TAB2: variants seen among roughly 807,000 people sequenced by gnomAD.
The protein encoded by TAB2 is TGF-beta-activated kinase 1 and MAP3K7-binding protein 2.
TAB2 carries 3 observed loss-of-function variants against 65.0 expected under a neutral mutation model. The observed-to-expected ratio is 0.05, with a 90% CI of 0.02 to 0.12. TAB2 has a LOEUF of 0.12. Ranked by LOEUF, TAB2 falls within the 10% of genes least tolerant of loss-of-function variation. The probability of loss-of-function intolerance (pLI) is 1.00; values close to 1 mark genes in which losing one functional copy is unlikely to be tolerated. For missense variants in TAB2, 623 were observed against 840.3 expected (o/e 0.74, Z 3.20); for synonymous variants, 298 against 285.1 (o/e 1.05, Z -0.46).
At chr6:149,364,945 T>C (rs10155800) in intron 1 of TAB2, among the ~76,000 whole-genome samples, 72 of 152,072 alleles carry the variant, frequency 4.7e-4, no homozygotes, top group African/African-American at 1.7e-3. Flanking sequence ...TACTAAGAAA[T>C]CAAAAATTGT....
intron 1 of TAB2, among the ~76,000 whole-genome samples, chr6:149,330,451 A>G (rs1474159295): frequency 6.6e-6 from 1 of 152,164 alleles, no homozygotes. Flanking sequence ...CATCCTCTCC[A>G]GCATTAGTAT....
chr6:149,255,508 T>C (rs1228851003), intron 1 of TAB2: 1 of 152,252 alleles, frequency 6.6e-6, no homozygotes, highest in Non-Finnish European at 1.5e-5. Flanking sequence ...TATCTCTGAA[T>C]TTTGGCAGAA....
chr6:149,392,523 C>T (rs114773439), intron 3 of TAB2, among the ~76,000 whole-genome samples: 1 of 152,320 alleles, frequency 6.6e-6, no homozygotes, highest in African/African-American at 2.4e-5. Context: ...CCTTTCCTAA[C>T]TCCTGCCTTC....
chr6:149,275,120 C>CTGT lies in TAB2; in HGVS notation c.-121+56345_-121+56346insGTT, dbSNP rs199786561. Among the ~76,000 whole-genome samples, 32 of 94,684 alleles carry CTGT rather than the reference C, an allele frequency of 3.4e-4. 1 individual carries two copies. The highest frequency in any genetic ancestry group is 4.7e-4 in the Admixed American group (4 of 8,466). The allele number at this position is 94,684 out of a possible 152,430, so 62.1% of individuals were successfully genotyped here. On this transcript the variant is annotated intron_variant, in intron 1 of 1. Transcript: ENST00000606202. ...TCATTTCCCTAATTTTTTTTCTCTT[C>CTGT]TTCTGTTTTTTTTTTTTTTTTTTGA...
rs36042716 is a variant in TAB2 at position 149,275,225 on chromosome 6, G to GGAGAGAGA, written c.-121+56454_-121+56461dup. 2.7e-3 allele frequency among the ~76,000 whole-genome samples: 260 copies of GGAGAGAGA among 97,412 alleles called. 8 individuals carry two copies. Among genetic ancestry groups the GGAGAGAGA allele is most frequent in the Non-Finnish European group, 3.8e-3 (189 of 49,644 alleles). 63.9% of individuals were successfully genotyped at this position (97,412 alleles called of 152,430 possible). On this transcript the variant is annotated intron_variant, in intron 1 of 1. Coordinates refer to the TAB2 transcript ENST00000606202. ...TGAACTCCCTTGGGCGGGGGAGGGGGGAGAGAGAGAGAAAGAAAGAAAGAA... is the reference window on the plus strand; with the variant it reads ...TGAACTCCCTTGGGCGGGGGAGGGGGGAGAGAGAGAGAGAGAGAGAAAGAAAGAAAGAA...
intron 1 of TAB2, among the ~76,000 whole-genome samples, chr6:149,349,383 G>T (rs994660382): frequency 6.9e-6 from 1 of 145,710 alleles, no homozygotes; most frequent in African/African-American, 2.6e-5. Flanking sequence ...TCACTCCACT[G>T]CACTCCAGCC....
At chr6:149,376,891 C>G (rs1202509203) in intron 2 of TAB2, among the ~76,000 whole-genome samples, 1 of 149,382 alleles carries the variant, frequency 6.7e-6, no homozygotes, top group Admixed American at 6.7e-5. Flanking sequence ...GAGGTTCCCC[C>G]CCCCCACTCT....
At chr6:149,383,153 C>CA (rs1258532030) in intron 3 of TAB2, among the ~76,000 whole-genome samples, 1 of 148,904 alleles carries the variant, frequency 6.7e-6, no homozygotes, top group African/African-American at 2.5e-5. Flanking sequence ...GATTCCGTCT[C>CA]AAAAAAATAA....
intron 3 of TAB2, among the ~76,000 whole-genome samples, chr6:149,395,269 A>AT (rs757171133): frequency 3.9e-5 from 6 of 152,382 alleles, no homozygotes; most frequent in Admixed American, 2.0e-4. Context: ...AGGTTTTACA[A>AT]TTCAGTCTAC....
At chr6:149,254,021 AG>A (rs1392665262) in intron 1 of TAB2, among the ~76,000 whole-genome samples, 1 of 150,164 alleles carries the variant, frequency 6.7e-6, no homozygotes, top group South Asian at 2.1e-4. Flanking sequence ...AAAGAAAGAA[AG>A]AAAAGAAAGA....
At chr6:149,240,092 T>C (rs1301270581) in intron 1 of TAB2, among the ~76,000 whole-genome samples, 2 of 152,170 alleles carry the variant, frequency 1.3e-5, no homozygotes, top group Non-Finnish European at 2.9e-5. Context: ...CTGCTGAAGG[T>C]AGCGCCAAAC....
chr6:149,284,045 C>T (rs1049432379), intron 1 of TAB2, among the ~76,000 whole-genome samples: 5 of 152,104 alleles, frequency 3.3e-5, no homozygotes, highest in African/African-American at 7.2e-5. Flanking sequence ...AGAGCATATA[C>T]ATAAAATGCA....
In TAB2 at chr6:149,402,520, C is replaced by A. The variant is rs531773882; in HGVS notation, c.1939+3336C>A. Among the ~76,000 whole-genome samples, 4 of 151,512 alleles carry A rather than the reference C, an allele frequency of 2.6e-5. No homozygotes were observed. The East Asian group carries it at 5.8e-4, about 22-fold the overall frequency. On this transcript the variant is annotated intron_variant, in intron 6 of 6. Transcript: ENST00000637181. Reference sequence around the variant, plus strand: ...ATTCCCAACAAAGAAAAGTCCAGAACTGGATGGCTTCATGAGTGAATTCTG... The same window carrying A: ...ATTCCCAACAAAGAAAAGTCCAGAAATGGATGGCTTCATGAGTGAATTCTG...
intron 1 of TAB2, among the ~76,000 whole-genome samples, chr6:149,227,977 T>C (rs778467928): frequency 6.6e-6 from 1 of 151,674 alleles, no homozygotes; most frequent in Non-Finnish European, 1.5e-5. Flanking sequence ...ACAAATAAAA[T>C]GTCTATAGTC....
intron 3 of TAB2, chr6:149,380,169 G>A (rs934810607): frequency 5.2e-5 from 13 of 249,192 alleles, no homozygotes; most frequent in African/African-American, 2.3e-4. Flanking sequence ...GAGCCCAGGA[G>A]TTCAAAGGTT....
chr6:149,367,263 A>G (rs1488335209), intron 1 of TAB2, among the ~76,000 whole-genome samples: 2 of 152,132 alleles, frequency 1.3e-5, no homozygotes, highest in African/African-American at 4.8e-5. Context: ...TTATTTAGAT[A>G]GAGGGATTGG....
chr6:149,312,319 A>C (rs969640328), intron 1 of TAB2, among the ~76,000 whole-genome samples: 3 of 152,174 alleles, frequency 2.0e-5, no homozygotes, highest in African/African-American at 7.2e-5. Flanking sequence ...CCTTCACATC[A>C]CATCAGTTGA....
chr6:149,319,762 T>C (rs1351794566), intron 1 of TAB2, among the ~76,000 whole-genome samples: 1 of 152,220 alleles, frequency 6.6e-6, no homozygotes, highest in Non-Finnish European at 1.5e-5. Flanking sequence ...CCATTATTTC[T>C]TTTTTCTTTT....
At chr6:149,290,713 G>A (rs116590274) in intron 1 of TAB2, among the ~76,000 whole-genome samples, 1 of 152,028 alleles carries the variant, frequency 6.6e-6, no homozygotes, top group Non-Finnish European at 1.5e-5. Context: ...GGTGGGGTAG[G>A]GCACACCTGT....
Sources: gnomAD v4.1 joint callset for allele counts (sites outside exome capture counted in the v4.1 genomes callset) on GRCh38, gnomAD v4.1.1 for gene constraint, MANE v1.5 for transcripts, NCBI Gene and HGNC (gene_info 2026-07-23, HGNC 2026-07-21) for gene names.